The following ITGA11 variants were observed in gnomAD, a reference collection of about 807,000 sequenced individuals.
ITGA11 encodes the protein integrin alpha-11.
In ITGA11, 97 loss-of-function variants were observed where a neutral mutation model predicts 141.9. That is an observed-to-expected ratio of 0.68 (90% confidence interval 0.58 to 0.81). The LOEUF (loss-of-function observed/expected upper bound fraction) is 0.81, where lower values mean the gene tolerates loss of function less well. ITGA11 is among the 30% of genes least tolerant of loss of function. The pLI, the probability that ITGA11 is intolerant of heterozygous loss-of-function variation, is 0.00. For synonymous variants in ITGA11, 658 were observed against 624.6 expected (o/e 1.05, Z -0.80); for missense variants, 1,387 against 1,559.2 (o/e 0.89, Z 1.86).
intron 1 of ITGA11, among the ~76,000 whole-genome samples, chr15:68,409,250 A>T (rs547693718): frequency 1.3e-5 from 2 of 151,682 alleles, no homozygotes; most frequent in East Asian, 2.0e-4. Context: ...TAGCTCTGTC[A>T]CTCCCTGCCT....
intron 7 of ITGA11, among the ~76,000 whole-genome samples, chr15:68,355,050 A>AT (rs1397284644): frequency 8.5e-5 from 13 of 152,290 alleles, no homozygotes; most frequent in African/African-American, 2.9e-4. Context: ...TCACACACGG[A>AT]TAACTGAGCA....
At chr15:68,352,296 G>C (rs1459356736) in intron 7 of ITGA11, among the ~76,000 whole-genome samples, 1 of 151,476 alleles carries the variant, frequency 6.6e-6, no homozygotes, top group East Asian at 2.0e-4. Flanking sequence ...GGGTTCAAGC[G>C]ATTCTCGTGC....
chr15:68,413,844 G>A (rs749545649), intron 1 of ITGA11, among the ~76,000 whole-genome samples: 2 of 152,180 alleles, frequency 1.3e-5, no homozygotes, highest in Non-Finnish European at 2.9e-5. Flanking sequence ...GGAGCCATGC[G>A]CATTTAGGAA....
rs766123492 is a variant in ITGA11, at chr15:68,313,802, G to A, written c.2859C>T (p.Tyr953=). Residue 953 remains tyrosine (Y), a synonymous_variant, in exon 23 of 30, where the codon TAC becomes TAT. Coordinates refer to ENST00000315757, the MANE Select transcript of ITGA11 (RefSeq NM_001004439.2). ...ACCTGGTGAAGAGGACGTCAGCCTC[G>A]TATTTGAGGTGGAAGCGTAAGGGGG... ...NVAPLRFHLK[Y]EADVLFTRSS... 51 of 1,613,804 alleles carry A rather than the reference G, an allele frequency of 3.2e-5. No individual in the cohort carries two copies. Among genetic ancestry groups the A allele is most frequent in the South Asian group, 2.1e-4 (19 of 91,058 alleles).
intron 2 of ITGA11, among the ~76,000 whole-genome samples, chr15:68,388,411 G>T (rs916607763): frequency 2.0e-5 from 3 of 151,994 alleles, no homozygotes; most frequent in Admixed American, 2.0e-4. Context: ...ATCCTAGACA[G>T]CCTGTATAAA....
At chr15:68,312,927 T>C (rs1893442129) in intron 23 of ITGA11, 64 bp from the exon 24 acceptor site, 2 of 1,213,592 alleles carry the variant, frequency 1.6e-6, no homozygotes, top group Non-Finnish European at 2.4e-6. Flanking sequence ...GACAGATGAA[T>C]GAAAGAGGGA....
chr15:68,402,327 A>G (rs962474829), intron 2 of ITGA11, among the ~76,000 whole-genome samples: 1 of 152,188 alleles, frequency 6.6e-6, no homozygotes, highest in Non-Finnish European at 1.5e-5. Flanking sequence ...ATGGCCTCAC[A>G]ACATGGTACA....
chr15:68,348,768 GGGGAAGAGC>G lies in ITGA11; in HGVS notation c.1131+53_1131+61del. The stretch of plus-strand genomic sequence containing the variant: ...GATGACAGATCCAGAGAGCTAGAAA[GGGGAAGAGC>G]ATGCCCTCGAGAGACAGAGGCTGGG... On this transcript the variant is annotated intron_variant, in intron 10 of 29. Transcript: ENST00000315757. 5 of 1,409,196 alleles carry G rather than the reference GGGGAAGAGC, an allele frequency of 3.5e-6. No homozygotes were observed. The East Asian group carries it at 1.2e-4, about 34-fold the overall frequency. The allele number at this position is 1,409,196 out of a possible 1,614,324, so 87.3% of individuals were successfully genotyped here. A position where few individuals can be genotyped will look rare whatever the true frequency, so the allele number is the denominator to read the frequency against.
In ITGA11 at chr15:68,304,838, A is replaced by G. The variant is rs1437298401; in HGVS notation, c.3382-953T>C. Reference sequence around the variant, plus strand: ...TCACACCCACACGGAGCCCAGCAGCAAAGTCTGTCCATTCTACCTTGGAAA... The same window carrying G: ...TCACACCCACACGGAGCCCAGCAGCGAAGTCTGTCCATTCTACCTTGGAAA... On this transcript the variant is annotated intron_variant, in intron 28 of 29. Coordinates refer to ENST00000315757, the MANE Select transcript of ITGA11 (RefSeq NM_001004439.2). This position sits in a 1 kb window ranked among gnomAD's most constrained non-coding sequence, Gnocchi z 6.1. Among the ~76,000 whole-genome samples the G allele has an allele frequency of 1.3e-5, 2 of 152,232 alleles. No homozygotes were observed. The highest frequency in any genetic ancestry group is 2.4e-5 in the African/African-American group (1 of 41,454).
chr15:68,312,708 C>A (rs1893429318), intron 24 of ITGA11, 65 bp downstream of exon 24: 1 of 1,207,118 alleles, frequency 8.3e-7, no homozygotes, highest in Non-Finnish European at 1.2e-6. Context: ...CACATTCCTC[C>A]CCTCCAGGAT....
chr15:68,383,361 C>G (rs1895908950), intron 2 of ITGA11, among the ~76,000 whole-genome samples: 2 of 151,834 alleles, frequency 1.3e-5, no homozygotes, highest in African/African-American at 4.8e-5. Flanking sequence ...GTATTTTATC[C>G]AAGCCTGCAG....
At chr15:68,329,557 G>C (rs1461750063) in intron 15 of ITGA11, among the ~76,000 whole-genome samples, 1 of 152,208 alleles carries the variant, frequency 6.6e-6, no homozygotes, top group Non-Finnish European at 1.5e-5. Flanking sequence ...TCATTTCTGT[G>C]AGACCGATTC....
rs1027907190 is a variant in ITGA11, at chr15:68,302,189, G to A, written c.*870C>T. On this transcript the variant is annotated 3_prime_UTR_variant, in exon 30 of 30. Coordinates refer to ENST00000315757, the MANE Select transcript of ITGA11 (RefSeq NM_001004439.2). Reference sequence around the variant, plus strand: ...TGCCCAGCTGCAGCCAGGCCGGTGCGTCCATGTCTAGGGGCAGGCTGCAGC... The same window carrying A: ...TGCCCAGCTGCAGCCAGGCCGGTGCATCCATGTCTAGGGGCAGGCTGCAGC... The A allele has an allele frequency of 5.3e-5, 8 of 152,170 alleles. No individual in the cohort carries two copies. The highest frequency in any genetic ancestry group is 1.3e-4 in the Admixed American group (2 of 15,260). The allele number at this position is 152,170 out of a possible 1,614,324, so 9.4% of individuals were successfully genotyped here.
chr15:68,408,003 A>G (rs534149336), intron 1 of ITGA11, among the ~76,000 whole-genome samples: 1 of 152,320 alleles, frequency 6.6e-6, no homozygotes, highest in South Asian at 2.1e-4. Flanking sequence ...TCCTCCTCCC[A>G]TATAGCTTCC....
intron 8 of ITGA11, 22 bp from the exon 9 acceptor site, chr15:68,350,804 A>C (rs1353419841): frequency 6.9e-6 from 11 of 1,600,946 alleles, no homozygotes; most frequent in Non-Finnish European, 9.4e-6. Flanking sequence ...CAGGGGCAGG[A>C]ACCACAAACC....
intron 1 of ITGA11, among the ~76,000 whole-genome samples, chr15:68,424,536 C>T (rs954880765): frequency 1.3e-5 from 2 of 152,130 alleles, no homozygotes; most frequent in African/African-American, 4.8e-5. Flanking sequence ...GTCTGCACGA[C>T]AGTTTTCTTC....
chr15:68,346,113 G>A (rs1354855154), intron 10 of ITGA11, among the ~76,000 whole-genome samples: 2 of 152,170 alleles, frequency 1.3e-5, no homozygotes, highest in African/African-American at 4.8e-5. Context: ...CCCTGTGTCG[G>A]GGTGATGGAA....
intron 1 of ITGA11, among the ~76,000 whole-genome samples, chr15:68,422,213 T>G (rs192853795): frequency 1.3e-5 from 2 of 152,242 alleles, no homozygotes; most frequent in Admixed American, 6.5e-5. Flanking sequence ...ACTACTCACT[T>G]GCACGCTCCC....
In ITGA11 at chr15:68,296,905, T is replaced by C. The variant is rs1279257960; in HGVS notation, c.*6154A>G. 1 of 152,090 alleles carries C rather than the reference T, an allele frequency of 6.6e-6. No individual in the cohort carries two copies. Among genetic ancestry groups the C allele is most frequent in the African/African-American group, 2.4e-5 (1 of 41,400 alleles). 9.4% of individuals were successfully genotyped at this position (152,090 alleles called of 1,614,324 possible). ...CCTTCTTTCTCCTTCTCTTCTTTGG[T>C]TTAAAATGTTGATTTTCCTATAATT... On this transcript the variant is annotated 3_prime_UTR_variant, in exon 30 of 30. Coordinates refer to ENST00000315757, the MANE Select transcript of ITGA11 (RefSeq NM_001004439.2).
Sources: allele counts gnomAD v4.1 joint callset (sites outside exome capture counted in the v4.1 genomes callset), GRCh38; gene constraint gnomAD v4.1.1; non-coding constraint Gnocchi (gnomAD v3.1); transcripts MANE v1.5; gene names NCBI Gene and HGNC (gene_info 2026-07-23, HGNC 2026-07-21).